Variants in NMBR observed in about 807,000 individuals in gnomAD.
NMBR encodes neuromedin B receptor.
Under a neutral mutation model 20.5 loss-of-function variants are expected in NMBR, and 16 were observed. The ratio of observed to expected loss-of-function variants is 0.78; its 90% confidence interval spans 0.53 to 1.19. NMBR has a LOEUF of 1.19. NMBR is among the 50% of genes most tolerant of loss of function. NMBR has a pLI of 0.00. For missense variants in NMBR, 582 were observed against 499.1 expected, an observed-to-expected ratio of 1.17 and a Z score of -1.58; for synonymous variants, 212 against 196.6, an observed-to-expected ratio of 1.08 and a Z score of -0.65.
intron 2 of NMBR, among the ~76,000 whole-genome samples, chr6:142,083,310 A>T (rs1048070908): frequency 6.6e-6 from 1 of 152,122 alleles, no homozygotes; most frequent in Non-Finnish European, 1.5e-5. Flanking sequence ...TGGAAAGCAA[A>T]TTTTTCTTTT....
intron 1 of NMBR, chr6:142,135,245 G>C (rs566774463): frequency 6.3e-6 from 1 of 158,170 alleles, no homozygotes; most frequent in African/African-American, 2.4e-5. Flanking sequence ...TTACGAAGTG[G>C]AAAATTGATG....
chr6:142,133,295 TG>T, intron 1 of NMBR: 1 of 495,800 alleles, frequency 2.0e-6, no homozygotes, highest in Non-Finnish European at 3.6e-6. Context: ...TCTACATCTA[TG>T]GAGAATACTG....
intron 1 of NMBR, among the ~76,000 whole-genome samples, chr6:142,125,507 A>ACATGTGCATGCATATACACATATC (rs1778015681): frequency 6.6e-6 from 1 of 151,878 alleles, no homozygotes; most frequent in African/African-American, 2.4e-5. Context: ...ATACACATAT[A>ACATGTGCATGCATATACACATATC]CATACATACA....
At chr6:142,111,239 CAA>C (rs1266123186) in intron 1 of NMBR, among the ~76,000 whole-genome samples, 8 of 129,130 alleles carry the variant, frequency 6.2e-5, no homozygotes, top group Admixed American at 1.6e-4. Flanking sequence ...GACTCCAACT[CAA>C]AAAAAAAAAA....
At chr6:142,138,994 C>A (rs1200179726) in intron 1 of NMBR, among the ~76,000 whole-genome samples, 1 of 152,126 alleles carries the variant, frequency 6.6e-6, no homozygotes, top group Non-Finnish European at 1.5e-5. Context: ...TCTGTGTGCT[C>A]TATCAGATGT....
intron 1 of NMBR, among the ~76,000 whole-genome samples, chr6:142,093,592 G>T (rs1777380415): frequency 6.6e-6 from 1 of 151,994 alleles, no homozygotes; most frequent in South Asian, 2.1e-4. Flanking sequence ...TTGCCATTGT[G>T]AATAGTGCCA....
At position 142,088,227 on chromosome 6, in the gene NMBR, G is replaced by A; in HGVS notation, c.422+10C>T. The A allele has an allele frequency of 6.2e-7, 1 of 1,606,678 alleles. No homozygotes were observed. Among genetic ancestry groups the A allele is most frequent in the Non-Finnish European group, 8.5e-7 (1 of 1,178,804 alleles). On this transcript the variant is annotated intron_variant, in intron 2 of 3. Transcript: ENST00000258042. The stretch of plus-strand genomic sequence containing the variant: ...TTTTCCAAGCCACTCACAGCTACCT[G>A]TGCTCTTACCTGTCGGCGCTGAGGG...
intron 1 of NMBR, chr6:142,133,197 TGTAA>T (rs1778176787): frequency 1.5e-6 from 1 of 683,926 alleles, no homozygotes; most frequent in East Asian, 2.7e-5. Context: ...ATGAAGGATG[TGTAA>T]GTATTATACA....
intron 1 of NMBR, among the ~76,000 whole-genome samples, chr6:142,099,753 C>G (rs769304511): frequency 6.6e-6 from 1 of 152,146 alleles, no homozygotes; most frequent in Non-Finnish European, 1.5e-5. Context: ...ATGACACTGT[C>G]AAGACAATAA....
At chr6:142,109,476 C>CTTTTTTTTTTT (rs77684305) in intron 1 of NMBR, among the ~76,000 whole-genome samples, 1 of 108,296 alleles carries the variant, frequency 9.2e-6, no homozygotes, top group Admixed American at 9.6e-5. Context: ...TTGGGTATGT[C>CTTTTTTTTTTT]TTTTTTTTTT....
chr6:142,117,356 T>A (rs926550294), intron 1 of NMBR, among the ~76,000 whole-genome samples: 3 of 151,994 alleles, frequency 2.0e-5, no homozygotes, highest in Non-Finnish European at 4.4e-5. Context: ...CCCCTAGATC[T>A]ATATTAATAT....
intron 1 of NMBR, among the ~76,000 whole-genome samples, chr6:142,122,744 T>C (rs1407374080): frequency 1.3e-5 from 2 of 151,936 alleles, no homozygotes; most frequent in Non-Finnish European, 2.9e-5. Flanking sequence ...ATTCTATAAA[T>C]AGAATCACAA....
At chr6:142,114,606 A>G (rs895742439) in intron 1 of NMBR, among the ~76,000 whole-genome samples, 1 of 152,128 alleles carries the variant, frequency 6.6e-6, no homozygotes, top group East Asian at 1.9e-4. Context: ...TAACATTTAC[A>G]TGACGTATTG....
rs377455153 is a variant in NMBR, at chr6:142,145,943, G to A, written c.-664+1101C>T. Among the ~76,000 whole-genome samples the A allele has an allele frequency of 2.6e-5, 4 of 152,236 alleles. No individual in the cohort carries two copies. The East Asian group carries it at 7.7e-4, about 29-fold the overall frequency. On this transcript the variant is annotated intron_variant, in intron 1 of 3. Coordinates refer to ENST00000258042, the MANE Select transcript of NMBR (RefSeq NM_002511.4). ...AAGAAGTAATAGGAAACAAATAAAT[G>A]AAAAGTTGTGAGTATAGAAAGAAAA... is the stretch of plus-strand genomic sequence containing the variant.
intron 1 of NMBR, among the ~76,000 whole-genome samples, chr6:142,138,873 A>G (rs1778317218): frequency 6.6e-6 from 1 of 152,164 alleles, no homozygotes; most frequent in African/African-American, 2.4e-5. Flanking sequence ...AGCACAGTTA[A>G]GTTACTTGGA....
Position 142,129,973 on chromosome 6 carries a change from T to C in NMBR, c.-664+17071A>G, listed in dbSNP as rs75278302. 1.4e-3 allele frequency among the ~76,000 whole-genome samples: 219 copies of C among 152,232 alleles called. 1 individual carries two copies. Among genetic ancestry groups the C allele is most frequent in the African/African-American group, 4.1e-3 (170 of 41,544 alleles). The stretch of plus-strand genomic sequence containing the variant: ...ACTGTGTGCTCCCTCCTACTCACAT[T>C]AATGCCATTCATTTATATGGGGTTC... On this transcript the variant is annotated intron_variant, in intron 1 of 3. Coordinates refer to ENST00000258042, the MANE Select transcript of NMBR (RefSeq NM_002511.4).
chr6:142,105,168 G>A (rs1777638207), intron 1 of NMBR, among the ~76,000 whole-genome samples: 2 of 152,212 alleles, frequency 1.3e-5, no homozygotes, highest in African/African-American at 4.8e-5. Context: ...CACAAAGTCA[G>A]TTGGTCAGTT....
intron 1 of NMBR, chr6:142,134,705 A>G: frequency 1.4e-6 from 1 of 692,910 alleles, no homozygotes. Context: ...TTCTGGCTTC[A>G]GATTTACCTC....
At chr6:142,129,776 G>A (rs1255276323) in intron 1 of NMBR, among the ~76,000 whole-genome samples, 2 of 152,166 alleles carry the variant, frequency 1.3e-5, no homozygotes, top group Admixed American at 6.5e-5. Flanking sequence ...GTTGGTCCAC[G>A]GTCTCATTAA....
Sources: allele counts gnomAD v4.1 joint callset (sites outside exome capture counted in the v4.1 genomes callset), GRCh38; gene constraint gnomAD v4.1.1; transcripts MANE v1.5; gene names NCBI Gene and HGNC (gene_info 2026-07-23, HGNC 2026-07-21).